The following TSBP1 variants were observed in gnomAD, a reference collection of about 807,000 sequenced individuals.
TSBP1 encodes testis-expressed basic protein 1.
A neutral mutation model predicts 68.8 loss-of-function variants in TSBP1; 56 were observed. The observed-to-expected ratio is 0.81, with a 90% confidence interval of 0.66 to 1.02. The LOEUF (loss-of-function observed/expected upper bound fraction) is 1.02. TSBP1 is among the 50% of genes least tolerant of loss of function. The pLI, the probability that TSBP1 is intolerant of heterozygous loss-of-function variation, is 0.00. For missense variants in TSBP1, 502 were observed against 641.2 expected, an observed-to-expected ratio of 0.78 and a Z score of 2.34; for synonymous variants, 171 against 208.7, an observed-to-expected ratio of 0.82 and a Z score of 1.56.
Position 32,365,118 on chromosome 6 carries a change from C to G in TSBP1, c.217+1049G>C, listed in dbSNP as rs1012306440. 1.1e-4 allele frequency among the ~76,000 whole-genome samples: 17 copies of G among 151,470 alleles called. No individual in the cohort carries two copies. The highest frequency in any genetic ancestry group is 3.4e-3 in the Middle Eastern group (1 of 294). ...TGTTGCCCAGGCCAGTCTCGAACTCCTAGTCTCAAGAAGTCCTCCTGCCTC... is the reference window on the plus strand; with the variant it reads ...TGTTGCCCAGGCCAGTCTCGAACTCGTAGTCTCAAGAAGTCCTCCTGCCTC... On this transcript the variant is annotated intron_variant, in intron 6 of 22. Coordinates refer to ENST00000612031, the Ensembl canonical transcript of TSBP1. The surrounding 1 kb of genome is among the most constrained non-coding windows in gnomAD (Gnocchi z 4.3).
chr6:32,302,296 T>C lies in TSBP1; in HGVS notation c.601+313A>G, dbSNP rs116667955. Among the ~76,000 whole-genome samples the C allele has an allele frequency of 0.046, 7,003 of 151,392 alleles. 369 individuals carry two copies. Among genetic ancestry groups the C allele is most frequent in the African/African-American group, 0.13 (5,185 of 41,230 alleles). On this transcript the variant is annotated intron_variant, in intron 20 of 22. Coordinates refer to ENST00000612031, the Ensembl canonical transcript of TSBP1. This position sits in a 1 kb window ranked among gnomAD's most constrained non-coding sequence, Gnocchi z 5.1. The stretch of plus-strand genomic sequence containing the variant: ...AGCAAGACTCAGTTTCTACAAAAAA[T>C]AAAAAAAAGTTAGCCAAGCATGGTG...
intron 19 of TSBP1, among the ~76,000 whole-genome samples, chr6:32,313,149 C>G (rs1381976653): frequency 6.6e-6 from 1 of 151,996 alleles, no homozygotes; most frequent in Admixed American, 6.5e-5. Flanking sequence ...CCATAGCAGG[C>G]CTGTGCATGT....
chr6:32,306,670 A>G lies in TSBP1; in HGVS notation c.581-4041T>C, dbSNP rs751107802. 6.6e-6 allele frequency among the ~76,000 whole-genome samples: 1 copy of G among 152,218 alleles called. No homozygotes were observed. Among genetic ancestry groups the G allele is most frequent in the Non-Finnish European group, 1.5e-5 (1 of 68,042 alleles). On this transcript the variant is annotated intron_variant, in intron 19 of 22. Transcript: ENST00000612031. The surrounding 1 kb of genome is among the most constrained non-coding windows in gnomAD (Gnocchi z 5.1). ...AACTTAAGCCTTTATTTTAGGTTGCAGTGCTAAATGGAACTATTATTCAAT... is the reference window on the plus strand; with the variant it reads ...AACTTAAGCCTTTATTTTAGGTTGCGGTGCTAAATGGAACTATTATTCAAT...
chr6:32,354,471 C>A (rs1432043157), intron 8 of TSBP1, among the ~76,000 whole-genome samples: 1 of 151,950 alleles, frequency 6.6e-6, no homozygotes, highest in Non-Finnish European at 1.5e-5. Flanking sequence ...TTTTGTATGC[C>A]TCTATGTAAC....
chr6:32,370,432 T>C (rs1774270933), intron 1 of TSBP1, among the ~76,000 whole-genome samples: 1 of 138,618 alleles, frequency 7.2e-6, no homozygotes, highest in Non-Finnish European at 1.6e-5. Context: ...TATATATATA[T>C]ATATATATAT....
chr6:32,335,814 C>A lies in TSBP1; in HGVS notation c.451+98G>T. 1 of 1,001,634 alleles carries A rather than the reference C, an allele frequency of 1.0e-6. No homozygotes were observed. Among genetic ancestry groups the A allele is most frequent in the Non-Finnish European group, 1.6e-6 (1 of 642,082 alleles). The allele number at this position is 1,001,634 out of a possible 1,614,324, so 62.0% of individuals were successfully genotyped here. ...TAAGGGTTGAAGAAAATGTGAACTC[C>A]AAACCCTTGAAATCCCAACATGGAA... On this transcript the variant is annotated intron_variant, in intron 13 of 22. Transcript: ENST00000612031. This position sits in a 1 kb window ranked among gnomAD's most constrained non-coding sequence, Gnocchi z 5.5.
chr6:32,366,126 G>A (rs760292660), intron 6 of TSBP1, 41 bp downstream of exon 6: 1 of 1,597,550 alleles, frequency 6.3e-7, no homozygotes. Context: ...GAAGAAGCCT[G>A]ATTTTCCTTT....
chr6:32,295,930 T>C (rs144108755), intron 22 of TSBP1, among the ~76,000 whole-genome samples: 6,894 of 151,814 alleles, frequency 0.045, 345 homozygotes, highest in African/African-American at 0.12. Flanking sequence ...CCGCAACCTT[T>C]GCCTCCCGAG....
intron 19 of TSBP1, among the ~76,000 whole-genome samples, chr6:32,308,299 C>CT (rs9281732): frequency 0.14 from 21,186 of 151,444 alleles, 1,653 homozygotes; most frequent in South Asian, 0.2. Context: ...CATATTTAGA[C>CT]TTTTTTAACC....
intron 6 of TSBP1, among the ~76,000 whole-genome samples, chr6:32,355,968 G>A (rs3129907): frequency 0.77 from 117,243 of 152,148 alleles, 45,461 homozygotes; most frequent in South Asian, 0.9. Flanking sequence ...GGAATGGCAA[G>A]ATATTTACTC....
intron 15 of TSBP1, among the ~76,000 whole-genome samples, chr6:32,331,818 A>G (rs1329732931): frequency 6.6e-6 from 1 of 152,128 alleles, no homozygotes; most frequent in African/African-American, 2.4e-5. Context: ...GCTGGACGTA[A>G]AGCCTACATT....
chr6:32,313,766 T>A (rs1235982835), intron 19 of TSBP1, among the ~76,000 whole-genome samples: 1 of 152,222 alleles, frequency 6.6e-6, no homozygotes, highest in African/African-American at 2.4e-5. Context: ...TAACTTGGAA[T>A]ATTATGCACA....
intron 15 of TSBP1, 26 bp from the exon 17 acceptor site, chr6:32,330,635 A>AACAC (rs9279582): frequency 0.054 from 61,043 of 1,123,772 alleles, 931 homozygotes; most frequent in African/African-American, 0.11. Context: ...AAACAAATTA[A>AACAC]ACACACACAC....
intron 8 of TSBP1, chr6:32,350,040 T>A (rs1430814118): frequency 4.4e-6 from 3 of 679,476 alleles, no homozygotes; most frequent in Non-Finnish European, 8.1e-6. Flanking sequence ...AGTTTCTCAA[T>A]CTGAGGACAT....
At chr6:32,349,421 C>T in intron 9 of TSBP1, 1 of 222,094 alleles carries the variant, frequency 4.5e-6, no homozygotes, top group Non-Finnish European at 8.7e-6. Flanking sequence ...ATCATTTATC[C>T]CTCATTCTAT....
chr6:32,324,709 A>T lies in TSBP1; in HGVS notation c.515-1095T>A, dbSNP rs1017028178. On this transcript the variant is annotated intron_variant, in intron 16 of 22. Transcript: ENST00000612031. Reference sequence around the variant, plus strand: ...AAAACAAGCAAAGATACTTTTTGTTACCCCTTTCTTGTTTCTTTTCCTACT... The same window carrying T: ...AAAACAAGCAAAGATACTTTTTGTTTCCCCTTTCTTGTTTCTTTTCCTACT... 4 of 1,550,198 alleles carry T rather than the reference A, an allele frequency of 2.6e-6. No homozygotes were observed. In the African/African-American group the frequency reaches 5.5e-5, roughly 21 times the overall value.
exon 23 of TSBP1, chr6:32,293,665 G>A (rs752148513): frequency 6.2e-7 from 1 of 1,612,906 alleles, no homozygotes; most frequent in Non-Finnish European, 8.5e-7. Context: ...TCTTTACTTG[G>A]GACTCCTGTC....
rs1173046289 is a variant in TSBP1 at position 32,357,476 on chromosome 6, C to T, written c.218-1807G>A. Among the ~76,000 whole-genome samples the T allele has an allele frequency of 6.6e-6, 1 of 152,154 alleles. No individual in the cohort carries two copies. The highest frequency in any genetic ancestry group is 1.5e-5 in the Non-Finnish European group (1 of 68,030). ...ATTAATGTTTTTTAAGCATAAGTTTCTCTTCTGTAAATTAGGGATAACAAT... is the reference window on the plus strand; with the variant it reads ...ATTAATGTTTTTTAAGCATAAGTTTTTCTTCTGTAAATTAGGGATAACAAT... On this transcript the variant is annotated intron_variant, in intron 6 of 22. Coordinates refer to ENST00000612031, the Ensembl canonical transcript of TSBP1. This position sits in a 1 kb window ranked among gnomAD's most constrained non-coding sequence, Gnocchi z 4.7.
chr6:32,325,312 A>C lies in TSBP1; in HGVS notation c.515-1698T>G. On this transcript the variant is annotated intron_variant, in intron 16 of 22. Transcript: ENST00000612031. This position sits in a 1 kb window ranked among gnomAD's most constrained non-coding sequence, Gnocchi z 4.4. ...TGAAACAACTGATGAGAGCCTGAGGAGCCATTTTGAGCAGTGAGGGACACT... is the reference window on the plus strand; with the variant it reads ...TGAAACAACTGATGAGAGCCTGAGGCGCCATTTTGAGCAGTGAGGGACACT... 1.5e-6 allele frequency: 2 copies of C among 1,319,246 alleles called. No homozygotes were observed. Among genetic ancestry groups the C allele is most frequent in the Non-Finnish European group, 2.1e-6 (2 of 933,344 alleles). 81.7% of individuals were successfully genotyped at this position (1,319,246 alleles called of 1,614,324 possible).
Sources: gnomAD v4.1 joint callset for allele counts (sites outside exome capture counted in the v4.1 genomes callset) on GRCh38, gnomAD v4.1.1 for gene constraint, Gnocchi (gnomAD v3.1) non-coding constraint, MANE v1.5 for transcripts, NCBI Gene and HGNC (gene_info 2026-07-23, HGNC 2026-07-21) for gene names.